IPO11: variants seen among roughly 807,000 people sequenced by gnomAD.
The protein encoded by IPO11 is importin 11.
In IPO11, 66 loss-of-function variants were observed where a neutral mutation model predicts 143.2. The ratio of observed to expected loss-of-function variants is 0.46; its 90% CI spans 0.38 to 0.57. The LOEUF is 0.57. Among genes scored for constraint, IPO11 ranks in the 20% least tolerant of loss-of-function variants. The probability of loss-of-function intolerance (pLI) is 0.00; values close to 1 mark genes in which losing one functional copy is unlikely to be tolerated. For synonymous variants in IPO11, 385 were observed against 377.8 expected (o/e 1.02, Z -0.22); for missense variants, 1,026 against 1,141.0 (o/e 0.90, Z 1.45).
chr5:62,581,380 T>C (rs1744554810), intron 27 of IPO11: 8 of 1,109,566 alleles, frequency 7.2e-6, no homozygotes, highest in Non-Finnish European at 5.0e-6. Flanking sequence ...CTTATATAAT[T>C]ATATACTTTA....
intron 1 of IPO11, among the ~76,000 whole-genome samples, chr5:62,415,555 G>A (rs1244271969): frequency 2.8e-5 from 4 of 142,338 alleles, no homozygotes; most frequent in African/African-American, 5.3e-5. Flanking sequence ...TGCAACCTCC[G>A]CCTCCTGGGT....
chr5:62,418,246 A>T (rs1406646318), intron 1 of IPO11, among the ~76,000 whole-genome samples: 1 of 149,920 alleles, frequency 6.7e-6, no homozygotes, highest in African/African-American at 2.5e-5. Context: ...GCTCACTGCG[A>T]CCTCCGCCTT....
At chr5:62,574,294 T>A (rs1316578436) in intron 27 of IPO11, among the ~76,000 whole-genome samples, 1 of 152,174 alleles carries the variant, frequency 6.6e-6, no homozygotes, top group Non-Finnish European at 1.5e-5. Context: ...AATTACTCCC[T>A]CCTCTCTTCT....
chr5:62,598,426 TTCTTTCTCTCTCTCTCTCTCTCTCTCTC>T (rs1561380608), intron 28 of IPO11, among the ~76,000 whole-genome samples: 1 of 3,746 alleles, frequency 2.7e-4, no homozygotes, highest in Admixed American at 3.2e-3. Context: ...CTTTCTTTCT[TTCTTTCTCTCTCTCTCTCTCTCTCTCTC>T]TCTCTCTCTC....
At chr5:62,590,509 A>G (rs1461126530) in intron 27 of IPO11, among the ~76,000 whole-genome samples, 1 of 152,218 alleles carries the variant, frequency 6.6e-6, no homozygotes, top group East Asian at 1.9e-4. Flanking sequence ...ATTAGGTACC[A>G]TGTATAAATA....
chr5:62,526,191 T>C lies in IPO11; in HGVS notation c.1946T>C (p.Ile649Thr), dbSNP rs758889666. Reference sequence around the variant, plus strand: ...CTGTACCCTTTCCTGCTCCCAGTTATTCAACTGAGTACAGATGTTTCACAG... The same window carrying C: ...CTGTACCCTTTCCTGCTCCCAGTTACTCAACTGAGTACAGATGTTTCACAG... ...KNLYPFLLPV[I>T]QLSTDVSQPP... Residue 649 changes from isoleucine (I) to threonine (T), a missense_variant, in exon 21 of 30, where the codon ATT becomes ACT. Around this residue, in one of 5 missense-constraint regions of IPO11, gnomAD observed 237 missense variants for 288.0 expected, o/e 0.82. Coordinates refer to ENST00000325324, the MANE Select transcript of IPO11 (RefSeq NM_016338.5). 4 of 1,613,818 alleles carry C rather than the reference T, an allele frequency of 2.5e-6. No homozygotes were observed. The highest frequency in any genetic ancestry group is 3.3e-5 in the Admixed American group (2 of 60,006).
At chr5:62,431,119 G>C (rs1362424442) in intron 1 of IPO11, among the ~76,000 whole-genome samples, 1 of 151,840 alleles carries the variant, frequency 6.6e-6, no homozygotes, top group Non-Finnish European at 1.5e-5. Context: ...TGGGACTACA[G>C]GCATGTGCTA....
At chr5:62,532,782 G>A (rs1208540231) in intron 22 of IPO11, among the ~76,000 whole-genome samples, 1 of 152,146 alleles carries the variant, frequency 6.6e-6, no homozygotes, top group African/African-American at 2.4e-5. Context: ...TGTTTTGCTA[G>A]TATGTTTAGT....
chr5:62,415,913 T>G (rs902996056), intron 1 of IPO11, among the ~76,000 whole-genome samples: 2 of 152,192 alleles, frequency 1.3e-5, no homozygotes, highest in Admixed American at 6.5e-5. Context: ...TATTCTGAGT[T>G]TTTTCTCCTT....
chr5:62,603,497 T>C (rs1481190913), intron 29 of IPO11, among the ~76,000 whole-genome samples: 2 of 152,262 alleles, frequency 1.3e-5, no homozygotes, highest in South Asian at 2.1e-4. Context: ...AACCCACTTA[T>C]TCTGCTTTAC....
intron 27 of IPO11, among the ~76,000 whole-genome samples, chr5:62,568,484 G>A (rs1276107173): frequency 1.4e-5 from 2 of 139,656 alleles, no homozygotes; most frequent in Non-Finnish European, 3.0e-5. Flanking sequence ...TGAGGCTGGA[G>A]ACTCACTTGA....
intron 19 of IPO11, among the ~76,000 whole-genome samples, chr5:62,509,012 A>G (rs1338609628): frequency 6.6e-6 from 1 of 152,224 alleles, no homozygotes; most frequent in African/African-American, 2.4e-5. Context: ...TGGATACAAT[A>G]GTGCTTTCTG....
At position 62,536,173 on chromosome 5, in the gene IPO11, CAG is replaced by C. The variant is rs879580350; in HGVS notation, c.2090-528_2090-527del. ...TATTTAGTGCAAGTGCAGTAACACTCAGTAAATGTTCACTGAGTGAACCCATT... is the reference window on the plus strand; with the variant it reads ...TATTTAGTGCAAGTGCAGTAACACTCTAAATGTTCACTGAGTGAACCCATT... On this transcript the variant is annotated intron_variant, in intron 22 of 29. Transcript: ENST00000325324. Among the ~76,000 whole-genome samples, 219 of 152,232 alleles carry C rather than the reference CAG, an allele frequency of 1.4e-3. 1 individual carries two copies. The highest frequency in any genetic ancestry group is 1.5e-3 in the Non-Finnish European group (100 of 67,986).
chr5:62,542,367 A>G (rs973208773), intron 24 of IPO11, among the ~76,000 whole-genome samples: 29 of 152,276 alleles, frequency 1.9e-4, no homozygotes, highest in South Asian at 4.1e-4. Flanking sequence ...TTTTAGGACA[A>G]TAGTGCTTTC....
intron 7 of IPO11, among the ~76,000 whole-genome samples, chr5:62,472,440 A>C (rs1258432008): frequency 1.3e-5 from 2 of 152,174 alleles, no homozygotes; most frequent in Non-Finnish European, 2.9e-5. Flanking sequence ...CTCAGTTATA[A>C]ATGCCTTATT....
chr5:62,496,236 C>T (rs1244962210), intron 16 of IPO11, among the ~76,000 whole-genome samples: 1 of 150,370 alleles, frequency 6.7e-6, no homozygotes, highest in Non-Finnish European at 1.5e-5. Context: ...TGCAGTGAGC[C>T]GAGATTGCCC....
intron 21 of IPO11, among the ~76,000 whole-genome samples, chr5:62,529,785 G>C (rs1742483224): frequency 1.3e-5 from 2 of 152,234 alleles, no homozygotes; most frequent in East Asian, 3.9e-4. Context: ...TTTCCTTGCT[G>C]CTGTTTCAAC....
chr5:62,427,130 G>A (rs1244926150), intron 1 of IPO11, among the ~76,000 whole-genome samples: 2 of 151,686 alleles, frequency 1.3e-5, no homozygotes, highest in Admixed American at 6.6e-5. Context: ...AGTAGAGACA[G>A]AGTTCCACCA....
chr5:62,422,479 T>C (rs1383717649), intron 1 of IPO11: 2 of 152,294 alleles, frequency 1.3e-5, no homozygotes, highest in Non-Finnish European at 2.9e-5. Context: ...GTGGGTTTTG[T>C]ACAGACATGT....
Sources: allele counts gnomAD v4.1 joint callset (sites outside exome capture counted in the v4.1 genomes callset), GRCh38; gene constraint gnomAD v4.1.1; regional missense constraint gnomAD v4.1.1; transcripts MANE v1.5; gene names NCBI Gene and HGNC (gene_info 2026-07-23, HGNC 2026-07-21).